The following ITGA11 variants were observed in gnomAD, a reference collection of about 807,000 sequenced individuals.
ITGA11 encodes integrin alpha-11.
Under a neutral mutation model 141.9 loss-of-function variants are expected in ITGA11, and 97 were observed. The observed-to-expected ratio is 0.68, with a 90% CI of 0.58 to 0.81. The LOEUF (loss-of-function observed/expected upper bound fraction) is 0.81. Among genes scored for constraint, ITGA11 ranks in the 30% least tolerant of loss-of-function variants. The probability of loss-of-function intolerance (pLI) is 0.00; values close to 1 mark genes in which losing one functional copy is unlikely to be tolerated. For synonymous variants in ITGA11, 658 were observed against 624.6 expected, an observed-to-expected ratio of 1.05 and a Z score of -0.80; for missense variants, 1,387 against 1,559.2, an observed-to-expected ratio of 0.89 and a Z score of 1.86.
chr15:68,405,799 G>T (rs9972560), intron 1 of ITGA11, among the ~76,000 whole-genome samples: 91,619 of 151,778 alleles, frequency 0.6, 27,943 homozygotes, highest in Non-Finnish European at 0.64. Flanking sequence ...GTTACTGAAG[G>T]AGTGTTGCAG....
Position 68,332,066 on chromosome 15 carries a change from CA to C in ITGA11, c.1567-5del. On this transcript the variant is annotated splice_region_variant and splice_polypyrimidine_tract_variant and intron_variant, in intron 13 of 29. Transcript: ENST00000315757. ...TTCCGTTATAAACAAACAGGTTCTGCAAAACCAGGGGCAGAAAAAGGCTGGG... is the reference window on the plus strand; with the variant it reads ...TTCCGTTATAAACAAACAGGTTCTGCAAACCAGGGGCAGAAAAAGGCTGGG... The C allele has an allele frequency of 6.3e-7, 1 of 1,585,938 alleles. No individual in the cohort carries two copies. The highest frequency in any genetic ancestry group is 8.6e-7 in the Non-Finnish European group (1 of 1,165,442).
intron 19 of ITGA11, among the ~76,000 whole-genome samples, chr15:68,320,832 T>C (rs890140711): frequency 1.3e-5 from 2 of 152,256 alleles, no homozygotes; most frequent in Non-Finnish European, 2.9e-5. Flanking sequence ...TATGTCATGG[T>C]ATATATGTTT....
chr15:68,354,777 C>T (rs1010199050), intron 7 of ITGA11, among the ~76,000 whole-genome samples: 1 of 152,162 alleles, frequency 6.6e-6, no homozygotes, highest in African/African-American at 2.4e-5. Flanking sequence ...CACAGCCCTC[C>T]CATCAGTGGC....
chr15:68,424,571 C>A (rs1037528082), intron 1 of ITGA11, among the ~76,000 whole-genome samples: 1 of 152,188 alleles, frequency 6.6e-6, no homozygotes, highest in Non-Finnish European at 1.5e-5. Flanking sequence ...CACCCTCACC[C>A]AGGATGGAGG....
chr15:68,431,999 GA>G lies in ITGA11; in HGVS notation c.52+15del. 1 of 1,304,216 alleles carries G rather than the reference GA, an allele frequency of 7.7e-7. No individual in the cohort carries two copies. The highest frequency in any genetic ancestry group is 9.8e-7 in the Non-Finnish European group (1 of 1,021,564). The allele number at this position is 1,304,216 out of a possible 1,614,324, so 80.8% of individuals were successfully genotyped here. On this transcript the variant is annotated intron_variant, in intron 1 of 29. Transcript: ENST00000315757. ...GGACTCCGAGAGGCAAGGGGAGGCAGAGGGTGGGCACCTACCTGGCCACAGG... is the reference window on the plus strand; with the variant it reads ...GGACTCCGAGAGGCAAGGGGAGGCAGGGGTGGGCACCTACCTGGCCACAGG...
At chr15:68,368,847 AAGAC>A (rs1347948395) in intron 3 of ITGA11, among the ~76,000 whole-genome samples, 13 of 147,420 alleles carry the variant, frequency 8.8e-5, no homozygotes, top group Non-Finnish European at 1.8e-4. Flanking sequence ...AATCAGGAAA[AAGAC>A]AGGAAGTCCT....
chr15:68,362,433 T>A (rs1895274664), intron 4 of ITGA11, among the ~76,000 whole-genome samples: 1 of 152,222 alleles, frequency 6.6e-6, no homozygotes, highest in Non-Finnish European at 1.5e-5. Context: ...CTTTTTAAGC[T>A]CAGATCTTAA....
At chr15:68,327,718 C>T (rs1447627393) in intron 16 of ITGA11, among the ~76,000 whole-genome samples, 18 of 152,190 alleles carry the variant, frequency 1.2e-4, no homozygotes, top group Non-Finnish European at 2.2e-4. Flanking sequence ...ATTGACCTGG[C>T]CTCCTGGTTT....
chr15:68,309,735 C>T (rs565238758), intron 26 of ITGA11, among the ~76,000 whole-genome samples: 11 of 151,884 alleles, frequency 7.2e-5, no homozygotes, highest in African/African-American at 1.7e-4. Flanking sequence ...GGACTACAGA[C>T]GCCCACCACC....
intron 1 of ITGA11, among the ~76,000 whole-genome samples, chr15:68,425,784 G>A (rs995842702): frequency 1.3e-5 from 2 of 152,210 alleles, no homozygotes; most frequent in Admixed American, 1.3e-4. Flanking sequence ...CTGAAAATCC[G>A]CAGGGTCAGG....
intron 2 of ITGA11, among the ~76,000 whole-genome samples, chr15:68,385,685 C>T (rs765157712): frequency 1.2e-4 from 19 of 152,226 alleles, no homozygotes; most frequent in Admixed American, 7.8e-4. Flanking sequence ...GGGTAGTTTT[C>T]GCCTAAGTGC....
intron 1 of ITGA11, among the ~76,000 whole-genome samples, chr15:68,430,887 G>A (rs1020611990): frequency 6.6e-6 from 1 of 152,212 alleles, no homozygotes; most frequent in Admixed American, 6.5e-5. Context: ...CGTGGTACCC[G>A]GGGACTGGGG....
intron 9 of ITGA11, 21 bp from the exon 10 acceptor site, chr15:68,348,921 G>C (rs1464591989): frequency 1.9e-6 from 3 of 1,591,756 alleles, no homozygotes; most frequent in Non-Finnish European, 2.6e-6. Flanking sequence ...GTGACAGAGA[G>C]ATGTCAGCTC....
At chr15:68,423,962 C>G (rs1161815860) in intron 1 of ITGA11, among the ~76,000 whole-genome samples, 1 of 152,160 alleles carries the variant, frequency 6.6e-6, no homozygotes, top group Non-Finnish European at 1.5e-5. Flanking sequence ...TTCGACTAAC[C>G]CCTGCCAACA....
intron 2 of ITGA11, among the ~76,000 whole-genome samples, chr15:68,369,981 G>T (rs1166284106): frequency 6.6e-6 from 1 of 152,202 alleles, no homozygotes; most frequent in African/African-American, 2.4e-5. Context: ...ACAGAGGAGA[G>T]ACATGGGGAG....
intron 10 of ITGA11, among the ~76,000 whole-genome samples, chr15:68,346,140 G>A (rs1894736535): frequency 1.3e-5 from 2 of 152,180 alleles, no homozygotes; most frequent in Admixed American, 6.5e-5. Context: ...GGGTATATGG[G>A]AGAGGCAAGC....
rs1894212612 is a variant in ITGA11 at position 68,332,568 on chromosome 15, T to A, written c.1426-90A>T. 2.7e-6 allele frequency: 4 copies of A among 1,457,388 alleles called. No individual in the cohort carries two copies. In the South Asian group the frequency reaches 4.1e-5, roughly 15 times the overall value. 90.3% of individuals were successfully genotyped at this position (1,457,388 alleles called of 1,614,324 possible). A position where few individuals can be genotyped will look rare whatever the true frequency, so the allele number is the denominator to read the frequency against. On this transcript the variant is annotated intron_variant, in intron 12 of 29. Coordinates refer to ENST00000315757, the MANE Select transcript of ITGA11 (RefSeq NM_001004439.2). ...CCTCGCGGGCAGAGGGAAGCCAAGG[T>A]CATCCTTTGACTCAGAATTTTTGGT... is the stretch of plus-strand genomic sequence containing the variant.
chr15:68,402,886 A>G (rs1896543085), intron 2 of ITGA11, 32 bp downstream of exon 2: 1 of 1,464,890 alleles, frequency 6.8e-7, no homozygotes, highest in African/African-American at 1.4e-5. Flanking sequence ...GGAATGGTAC[A>G]GGGCTGGGTG....
chr15:68,316,704 C>A (rs1052291285), intron 21 of ITGA11, among the ~76,000 whole-genome samples: 5 of 152,236 alleles, frequency 3.3e-5, no homozygotes, highest in African/African-American at 1.2e-4. Flanking sequence ...CTCTCTGATT[C>A]CCAAGTCCAC....
Sources: gnomAD v4.1 joint callset for allele counts (sites outside exome capture counted in the v4.1 genomes callset) on GRCh38, gnomAD v4.1.1 for gene constraint, MANE v1.5 for transcripts, NCBI Gene and HGNC (gene_info 2026-07-23, HGNC 2026-07-21) for gene names.